The following FHIT variants were observed in gnomAD, a reference collection of about 807,000 sequenced individuals.
The protein encoded by FHIT is fragile histidine triad diadenosine triphosphatase, also known as bis(5'-adenosyl)-triphosphatase.
A neutral mutation model predicts 17.9 loss-of-function variants in FHIT; 19 were observed. That is an observed-to-expected ratio of 1.06 (90% CI 0.74 to 1.56). FHIT has a LOEUF of 1.56. FHIT is among the 40% of genes most tolerant of loss of function. FHIT has a pLI of 0.00. For synonymous variants in FHIT, 81 were observed against 69.7 expected (o/e 1.16, Z -0.81); for missense variants, 248 against 189.2 (o/e 1.31, Z -1.82).
chr3:60,825,277 T>C (rs1332504723), intron 3 of FHIT, among the ~76,000 whole-genome samples: 1 of 152,138 alleles, frequency 6.6e-6, no homozygotes, highest in Non-Finnish European at 1.5e-5. Flanking sequence ...GGAAATGACC[T>C]AAAAGTCACC....
intron 4 of FHIT, among the ~76,000 whole-genome samples, chr3:60,756,151 A>C (rs1422130906): frequency 1.3e-5 from 2 of 152,236 alleles, no homozygotes; most frequent in Non-Finnish European, 2.9e-5. Flanking sequence ...AGAAGTAAAC[A>C]AAAGACAAAA....
At chr3:60,441,150 AT>A (rs202034402) in intron 5 of FHIT, among the ~76,000 whole-genome samples, 1 of 152,038 alleles carries the variant, frequency 6.6e-6, no homozygotes, top group East Asian at 1.9e-4. Context: ...ACAGAAAAGA[AT>A]TTAAAAAAAA....
chr3:61,194,078 T>C (rs1576187586), intron 2 of FHIT, among the ~76,000 whole-genome samples: 1 of 152,186 alleles, frequency 6.6e-6, no homozygotes, highest in African/African-American at 2.4e-5. Context: ...CAGCAAGGCC[T>C]GACTATTCAG....
chr3:60,152,606 T>C (rs926469045), intron 5 of FHIT, among the ~76,000 whole-genome samples: 1 of 152,188 alleles, frequency 6.6e-6, no homozygotes. Context: ...AGAAATGCTC[T>C]GAACCCCAAA....
At chr3:61,060,376 T>C (rs1325366707) in intron 2 of FHIT, among the ~76,000 whole-genome samples, 1 of 152,178 alleles carries the variant, frequency 6.6e-6, no homozygotes, top group East Asian at 1.9e-4. Context: ...TACTGTACTT[T>C]ACTATAGCTG....
chr3:60,451,556 C>CA (rs2031748043), intron 5 of FHIT, among the ~76,000 whole-genome samples: 1 of 152,044 alleles, frequency 6.6e-6, no homozygotes, highest in South Asian at 2.1e-4. Context: ...TGTATGAATG[C>CA]AAAATCTCAG....
At chr3:60,931,943 CA>C (rs1707976480) in intron 3 of FHIT, among the ~76,000 whole-genome samples, 2 of 152,156 alleles carry the variant, frequency 1.3e-5, no homozygotes, top group Admixed American at 6.5e-5. Flanking sequence ...TACCAGAGCA[CA>C]AGGGTGTGAT....
At chr3:60,449,196 C>T (rs1178942835) in intron 5 of FHIT, among the ~76,000 whole-genome samples, 2 of 152,250 alleles carry the variant, frequency 1.3e-5, no homozygotes, top group African/African-American at 4.8e-5. Context: ...TGCAAATCTG[C>T]ATTTCAGTGA....
chr3:60,527,744 A>G (rs2107580080), intron 5 of FHIT, among the ~76,000 whole-genome samples: 1 of 152,374 alleles, frequency 6.6e-6, no homozygotes. Context: ...ACAACACTAG[A>G]AAGTGGGGCT....
chr3:60,401,742 A>C (rs923259675), intron 5 of FHIT, among the ~76,000 whole-genome samples: 5 of 152,228 alleles, frequency 3.3e-5, no homozygotes, highest in Non-Finnish European at 2.9e-5. Flanking sequence ...CTATAAGTCA[A>C]ATTTGAACAT....
At chr3:60,296,076 T>C (rs183842714) in intron 5 of FHIT, among the ~76,000 whole-genome samples, 6 of 152,282 alleles carry the variant, frequency 3.9e-5, no homozygotes, top group East Asian at 3.9e-4. Flanking sequence ...TCATGTAAGA[T>C]GTGCCTTTCA....
intron 4 of FHIT, among the ~76,000 whole-genome samples, chr3:60,564,782 A>G (rs1302389301): frequency 1.3e-5 from 2 of 152,120 alleles, no homozygotes; most frequent in African/African-American, 4.8e-5. Context: ...GATGAAATCA[A>G]CTCCTAGTGA....
intron 3 of FHIT, among the ~76,000 whole-genome samples, chr3:60,934,150 C>T (rs1473771353): frequency 1.3e-5 from 2 of 152,078 alleles, no homozygotes; most frequent in Non-Finnish European, 2.9e-5. Flanking sequence ...ACGTTGGTTA[C>T]CCAGATGAGG....
intron 4 of FHIT, among the ~76,000 whole-genome samples, chr3:60,739,372 C>G (rs549739134): frequency 5.4e-4 from 82 of 152,250 alleles, no homozygotes; most frequent in African/African-American, 1.8e-3. Context: ...AGGCACCCAC[C>G]CCTAGACACT....
chr3:60,076,813 C>T (rs1437467539), intron 5 of FHIT, among the ~76,000 whole-genome samples: 6 of 150,958 alleles, frequency 4.0e-5, no homozygotes, highest in African/African-American at 1.5e-4. Flanking sequence ...AAAAAAAAAC[C>T]CAAACACTAT....
At chr3:60,607,329 C>T (rs1376723879) in intron 4 of FHIT, among the ~76,000 whole-genome samples, 7 of 151,972 alleles carry the variant, frequency 4.6e-5, no homozygotes, top group Non-Finnish European at 7.4e-5. Flanking sequence ...GGGAACTAAA[C>T]AGTCACTTCC....
intron 2 of FHIT, among the ~76,000 whole-genome samples, chr3:61,046,315 C>A (rs1166091661): frequency 6.6e-6 from 1 of 152,136 alleles, no homozygotes; most frequent in Non-Finnish European, 1.5e-5. Flanking sequence ...GATATCACCA[C>A]CGATCCCACA....
At chr3:60,098,513 T>C (rs1704060405) in intron 5 of FHIT, among the ~76,000 whole-genome samples, 1 of 152,162 alleles carries the variant, frequency 6.6e-6, no homozygotes, top group African/African-American at 2.4e-5. Flanking sequence ...ATAAATGTCT[T>C]CTTTTGAGAA....
intron 7 of FHIT, among the ~76,000 whole-genome samples, chr3:59,967,818 A>C (rs1707997327): frequency 6.6e-6 from 1 of 152,118 alleles, no homozygotes; most frequent in African/African-American, 2.4e-5. Flanking sequence ...AGATGAACAA[A>C]GGAAGAAAAG....
Sources: allele counts gnomAD v4.1 joint callset (sites outside exome capture counted in the v4.1 genomes callset), GRCh38; gene constraint gnomAD v4.1.1; transcripts MANE v1.5; gene names NCBI Gene and HGNC (gene_info 2026-07-23, HGNC 2026-07-21).